Variants in WWTR1 observed in about 807,000 individuals in gnomAD.
WWTR1 encodes the protein WW domain containing transcription regulator 1.
In WWTR1, 13 loss-of-function variants were observed where a neutral mutation model predicts 40.1. That is an observed-to-expected ratio of 0.32 (90% CI 0.21 to 0.52). WWTR1 has a LOEUF of 0.52. Ranked by LOEUF, WWTR1 falls within the 20% of genes least tolerant of loss-of-function variation. WWTR1 has a pLI of 0.97. For synonymous variants in WWTR1, 230 were observed against 210.1 expected (o/e 1.09, Z -0.82); for missense variants, 436 against 523.1 (o/e 0.83, Z 1.63).
At chr3:149,693,305 A>G (rs1714882048) in intron 1 of WWTR1, among the ~76,000 whole-genome samples, 1 of 152,214 alleles carries the variant, frequency 6.6e-6, no homozygotes, top group Non-Finnish European at 1.5e-5. Flanking sequence ...TGACAACTAT[A>G]AAACATTGAT....
chr3:149,709,432 G>A (rs1715423821), intron 5 of WWTR1, among the ~76,000 whole-genome samples: 1 of 152,058 alleles, frequency 6.6e-6, no homozygotes, highest in South Asian at 2.1e-4. Flanking sequence ...AGAAATGTAT[G>A]TTCAAATTAT....
chr3:149,593,497 T>G (rs1738834736), intron 2 of WWTR1, among the ~76,000 whole-genome samples: 1 of 152,216 alleles, frequency 6.6e-6, no homozygotes, highest in Non-Finnish European at 1.5e-5. Flanking sequence ...ATTAAAATAA[T>G]TTCCTTCAGT....
chr3:149,550,695 G>T (rs879862417), intron 3 of WWTR1, among the ~76,000 whole-genome samples: 12 of 147,306 alleles, frequency 8.1e-5, no homozygotes, highest in East Asian at 2.0e-4. Flanking sequence ...AGGGACTGCT[G>T]TTCAAGATAC....
At chr3:149,706,352 C>T (rs1325928633), upstream of WWTR1, among the ~76,000 whole-genome samples, 1 of 152,130 alleles carries the variant, frequency 6.6e-6, no homozygotes, top group Non-Finnish European at 1.5e-5. Flanking sequence ...GAATTTCACT[C>T]CTGTTGCCCA....
chr3:149,606,514 A>G (rs1304885122), intron 2 of WWTR1, among the ~76,000 whole-genome samples: 2 of 152,130 alleles, frequency 1.3e-5, no homozygotes, highest in Non-Finnish European at 2.9e-5. Context: ...ACACAAAACT[A>G]TGGGGTGAGG....
intron 2 of WWTR1, among the ~76,000 whole-genome samples, chr3:149,667,789 T>C (rs1713896624): frequency 6.6e-6 from 1 of 152,230 alleles, no homozygotes; most frequent in Non-Finnish European, 1.5e-5. Flanking sequence ...CTCCCATTTT[T>C]TGTGAATGAT....
chr3:149,688,235 G>A (rs1313800540), intron 1 of WWTR1, among the ~76,000 whole-genome samples: 1 of 152,062 alleles, frequency 6.6e-6, no homozygotes, highest in Admixed American at 6.6e-5. Context: ...ACGCAAGCCT[G>A]GCAGGATTCA....
chr3:149,723,618 G>A (rs1332497009), intron 4 of WWTR1, among the ~76,000 whole-genome samples: 1 of 152,124 alleles, frequency 6.6e-6, no homozygotes, highest in African/African-American at 2.4e-5. Flanking sequence ...TATACATGAT[G>A]ATTTTCCAAC....
upstream of WWTR1, among the ~76,000 whole-genome samples, chr3:149,707,395 A>G (rs1369583124): frequency 6.6e-6 from 1 of 152,228 alleles, no homozygotes; most frequent in Non-Finnish European, 1.5e-5. Flanking sequence ...ATAGGGACAC[A>G]TTGAATATTC....
intron 4 of WWTR1, chr3:149,540,145 G>A (rs532813020): frequency 9.7e-5 from 44 of 451,528 alleles, no homozygotes; most frequent in African/African-American, 8.4e-4. Context: ...TGAACTACAT[G>A]AGTCCCTGTG....
chr3:149,618,253 T>C (rs978221515), intron 2 of WWTR1, among the ~76,000 whole-genome samples: 1 of 152,180 alleles, frequency 6.6e-6, no homozygotes, highest in Non-Finnish European at 1.5e-5. Flanking sequence ...ACAAGCTGCC[T>C]GCCCAGGCTG....
At chr3:149,572,681 G>A (rs370855616) in intron 3 of WWTR1, among the ~76,000 whole-genome samples, 183 bp downstream of exon 3, 20 of 152,042 alleles carry the variant, frequency 1.3e-4, no homozygotes, top group Middle Eastern at 3.4e-3. Flanking sequence ...CTTCAGCTTG[G>A]AGTCAAAGCT....
chr3:149,638,319 C>T (rs890485277), intron 2 of WWTR1, among the ~76,000 whole-genome samples: 3 of 152,120 alleles, frequency 2.0e-5, no homozygotes, highest in African/African-American at 7.2e-5. Flanking sequence ...GAGCTTCCTT[C>T]AGGCCTGTTT....
chr3:149,540,239 G>A (rs770435625), intron 4 of WWTR1: 9 of 456,470 alleles, frequency 2.0e-5, no homozygotes, highest in South Asian at 6.2e-5. Flanking sequence ...AACGCCCCAC[G>A]TTCCACAGCC....
At position 149,565,080 on chromosome 3, in the gene WWTR1, C is replaced by T. The variant is rs1484195764; in HGVS notation, c.568+7784G>A. 3.9e-5 allele frequency among the ~76,000 whole-genome samples: 6 copies of T among 152,016 alleles called. 2 individuals are homozygous for T. Among genetic ancestry groups the T allele is most frequent in the South Asian group, 4.2e-4 (2 of 4,798 alleles). On this transcript the variant is annotated intron_variant, in intron 3 of 6. Coordinates refer to ENST00000360632, the MANE Select transcript of WWTR1 (RefSeq NM_015472.6). Reference sequence around the variant, plus strand: ...GTGGGCACCTATAATCCCAGATACTCGGGGGCTGAGCTGGGAGGATGGCTT... The same window carrying T: ...GTGGGCACCTATAATCCCAGATACTTGGGGGCTGAGCTGGGAGGATGGCTT...
chr3:149,540,460 T>C (rs1215102316), intron 4 of WWTR1, among the ~76,000 whole-genome samples: 1 of 152,172 alleles, frequency 6.6e-6, no homozygotes, highest in African/African-American at 2.4e-5. Flanking sequence ...AGCAAGTCAT[T>C]CTTTGCAGAA....
chr3:149,636,966 G>GAA (rs397950107), intron 2 of WWTR1, among the ~76,000 whole-genome samples: 3,181 of 42,670 alleles, frequency 0.075, 290 homozygotes, highest in Non-Finnish European at 0.096. Flanking sequence ...TGTCTCAAGT[G>GAA]AAAAAAAAAA....
intron 5 of WWTR1, among the ~76,000 whole-genome samples, chr3:149,716,108 C>T (rs868353145): frequency 3.3e-5 from 5 of 152,126 alleles, no homozygotes; most frequent in South Asian, 4.2e-4. Flanking sequence ...CTGCGCCTGG[C>T]GTGGTGGCTC....
intron 2 of WWTR1, among the ~76,000 whole-genome samples, chr3:149,621,336 A>AT (rs923048140): frequency 5.6e-4 from 85 of 150,620 alleles, no homozygotes; most frequent in African/African-American, 1.4e-3. Context: ...CATTTCTGTA[A>AT]TTTTTTTTTT....
Sources: gnomAD v4.1 joint callset for allele counts (sites outside exome capture counted in the v4.1 genomes callset) on GRCh38, gnomAD v4.1.1 for gene constraint, MANE v1.5 for transcripts, NCBI Gene and HGNC (gene_info 2026-07-23, HGNC 2026-07-21) for gene names.